The following ADAMTS17 variants were observed in gnomAD, a reference collection of about 807,000 sequenced individuals.
The protein encoded by ADAMTS17 is A disintegrin and metalloproteinase with thrombospondin motifs 17.
Under a neutral mutation model 141.5 loss-of-function variants are expected in ADAMTS17, and 113 were observed. That is an observed-to-expected ratio of 0.80 (90% confidence interval 0.69 to 0.93). The LOEUF is 0.93. Among genes scored for constraint, ADAMTS17 ranks in the 40% least tolerant of loss-of-function variants. The pLI is 0.00. For synonymous variants in ADAMTS17, 768 were observed against 630.6 expected, an observed-to-expected ratio of 1.22 and a Z score of -3.27; for missense variants, 1,659 against 1,517.9, an observed-to-expected ratio of 1.09 and a Z score of -1.54.
rs893949550 is a variant in ADAMTS17 at position 100,069,351 on chromosome 15, T to C, written c.2138-15297A>G. On this transcript the variant is annotated intron_variant, in intron 15 of 21. Transcript: ENST00000268070. ...ATTATACAGGAGAACTTCCCCAATC[T>C]AGCAAGGCAGGCCAACACTCAAATT... Among the ~76,000 whole-genome samples the C allele has an allele frequency of 2.6e-5, 4 of 152,160 alleles. 1 individual carries two copies. The South Asian group carries it at 8.3e-4, about 31-fold the overall frequency.
chr15:99,996,435 G>A (rs1006900882), intron 19 of ADAMTS17, among the ~76,000 whole-genome samples: 2 of 152,226 alleles, frequency 1.3e-5, no homozygotes, highest in East Asian at 3.9e-4. Context: ...ACTGACAAAC[G>A]TAAGCATAGA....
intron 8 of ADAMTS17, among the ~76,000 whole-genome samples, chr15:100,190,874 C>T (rs540691200): frequency 5.3e-5 from 8 of 152,310 alleles, no homozygotes; most frequent in South Asian, 4.1e-4. Context: ...CAGCGCTGGC[C>T]CTGGTTCTGT....
chr15:100,132,105 A>G lies in ADAMTS17; in HGVS notation c.1623T>C (p.His541=), dbSNP rs753669708. The G allele has an allele frequency of 4.3e-6, 7 of 1,613,928 alleles. No homozygotes were observed. Among genetic ancestry groups the G allele is most frequent in the Non-Finnish European group, 3.4e-6 (4 of 1,180,006 alleles). ...CCCACGGGCTCCAGTCTCCGTCCACATGCTCCGGGATGGGCGTCTTGCTCA... is the reference window on the plus strand; with the variant it reads ...CCCACGGGCTCCAGTCTCCGTCCACGTGCTCCGGGATGGGCGTCTTGCTCA... ...ECVSKTPIPE[H]VDGDWSPWGA... Residue 541 remains histidine (H), a synonymous_variant, in exon 12 of 22, where the codon CAT becomes CAC. Coordinates refer to ENST00000268070, the MANE Select transcript of ADAMTS17 (RefSeq NM_139057.4).
At chr15:100,279,274 A>C (rs539273902) in intron 4 of ADAMTS17, among the ~76,000 whole-genome samples, 3 of 152,118 alleles carry the variant, frequency 2.0e-5, no homozygotes, top group Non-Finnish European at 4.4e-5. Context: ...GTCAGAGCCA[A>C]CTTCCTCCCC....
intron 20 of ADAMTS17, among the ~76,000 whole-genome samples, chr15:99,988,960 T>C (rs2117804): frequency 0.11 from 16,001 of 152,108 alleles, 2,560 homozygotes; most frequent in African/African-American, 0.35. Context: ...GGTCAAGGTA[T>C]GTACAAAAGC....
chr15:100,009,616 C>T (rs1385949220), intron 18 of ADAMTS17, among the ~76,000 whole-genome samples: 5 of 152,134 alleles, frequency 3.3e-5, no homozygotes, highest in Non-Finnish European at 7.3e-5. Flanking sequence ...CCAGGCCTGA[C>T]ACTCCACAGG....
chr15:100,215,432 A>ATG (rs2041940635), intron 7 of ADAMTS17, among the ~76,000 whole-genome samples: 1 of 152,122 alleles, frequency 6.6e-6, no homozygotes, highest in Non-Finnish European at 1.5e-5. Flanking sequence ...AAGGAACCTC[A>ATG]CTGCTAGCCT....
At chr15:100,249,168 G>T (rs2043076523) in intron 7 of ADAMTS17, among the ~76,000 whole-genome samples, 2 of 152,182 alleles carry the variant, frequency 1.3e-5, no homozygotes, top group African/African-American at 4.8e-5. Context: ...GAGGAGTGTG[G>T]TGAGGCCTCT....
At chr15:100,178,331 T>C (rs1186046721) in intron 8 of ADAMTS17, among the ~76,000 whole-genome samples, 1 of 152,166 alleles carries the variant, frequency 6.6e-6, no homozygotes, top group Non-Finnish European at 1.5e-5. Context: ...GTTCTCTTAG[T>C]GGTTCTTCTA....
intron 14 of ADAMTS17, among the ~76,000 whole-genome samples, chr15:100,099,123 T>C (rs943128292): frequency 1.3e-5 from 2 of 152,164 alleles, no homozygotes; most frequent in African/African-American, 4.8e-5. Context: ...TCAGGGCAGG[T>C]GCAAACAGGA....
intron 8 of ADAMTS17, among the ~76,000 whole-genome samples, chr15:100,187,001 T>C (rs2040741336): frequency 1.3e-5 from 2 of 152,220 alleles, no homozygotes; most frequent in African/African-American, 4.8e-5. Context: ...CAATTATCAA[T>C]GTGGTCTGCC....
chr15:100,086,915 C>A (rs895530030), intron 15 of ADAMTS17, among the ~76,000 whole-genome samples: 4 of 152,128 alleles, frequency 2.6e-5, no homozygotes, highest in Non-Finnish European at 5.9e-5. Context: ...GACACCCTAA[C>A]ATCACAATTG....
At chr15:100,149,663 A>C (rs191598661) in intron 10 of ADAMTS17, among the ~76,000 whole-genome samples, 2 of 152,300 alleles carry the variant, frequency 1.3e-5, no homozygotes, top group Non-Finnish European at 2.9e-5. Context: ...TGTGTGGTCC[A>C]ATCCTAGCCA....
chr15:99,975,840 C>A (rs567632909), intron 21 of ADAMTS17, among the ~76,000 whole-genome samples: 1 of 151,214 alleles, frequency 6.6e-6, no homozygotes, highest in African/African-American at 2.4e-5. Flanking sequence ...GTGTTGGAGA[C>A]AGCAGTAAGC....
chr15:100,223,738 GTA>G (rs2042211322), intron 7 of ADAMTS17, among the ~76,000 whole-genome samples: 1 of 143,622 alleles, frequency 7.0e-6, no homozygotes, highest in Non-Finnish European at 1.5e-5. Flanking sequence ...ATATACACAT[GTA>G]TGTGTATATA....
In ADAMTS17 at chr15:100,155,368, T is replaced by A. The variant is rs2141372476; in HGVS notation, c.1182-48A>T. On this transcript the variant is annotated intron_variant, in intron 8 of 21. Transcript: ENST00000268070. ...GGATGCTTATGCTACAAGCTTCTCA[T>A]TTCCAGTTCCTGGTGCTAGCGGACC... 1.9e-6 allele frequency: 3 copies of A among 1,595,382 alleles called. No homozygotes were observed. The African/African-American group carries it at 4.0e-5, about 21-fold the overall frequency.
rs182513595 is a variant in ADAMTS17 at position 100,245,078 on chromosome 15, G to A, written c.1075+9058C>T. On this transcript the variant is annotated intron_variant, in intron 7 of 21. Transcript: ENST00000268070. Reference sequence around the variant, plus strand: ...CCAAGCTTGCCATGAGGCGTTCCTTGGCCATGAGGAACAGAAACACCGAGA... The same window carrying A: ...CCAAGCTTGCCATGAGGCGTTCCTTAGCCATGAGGAACAGAAACACCGAGA... Among the ~76,000 whole-genome samples, 7 of 152,230 alleles carry A rather than the reference G, an allele frequency of 4.6e-5. No individual in the cohort carries two copies. The East Asian group carries it at 1.4e-3, about 29-fold the overall frequency.
At chr15:100,223,670 GACAC>G (rs750147763) in intron 7 of ADAMTS17, among the ~76,000 whole-genome samples, 5 of 150,240 alleles carry the variant, frequency 3.3e-5, no homozygotes, top group Admixed American at 6.6e-5. Flanking sequence ...CACACCCACA[GACAC>G]ACACACATAT....
Position 100,321,082 on chromosome 15 carries a change from A to G in ADAMTS17, c.616+9807T>C, listed in dbSNP as rs116302829. Among the ~76,000 whole-genome samples the G allele has an allele frequency of 9.1e-3, 1,130 of 124,252 alleles. 13 individuals are homozygous for G. The highest frequency in any genetic ancestry group is 0.032 in the African/African-American group (1,054 of 33,460). The allele number at this position is 124,252 out of a possible 152,430, so 81.5% of individuals were successfully genotyped here. A position where few individuals can be genotyped will look rare whatever the true frequency, so the allele number is the denominator to read the frequency against. Reference sequence around the variant, plus strand: ...ACAAAATGTGGTTAAATTAACAGATAAAAATAACGTGTAAAATCAAGATAA... The same window carrying G: ...ACAAAATGTGGTTAAATTAACAGATGAAAATAACGTGTAAAATCAAGATAA... On this transcript the variant is annotated intron_variant, in intron 3 of 21. Transcript: ENST00000268070.
Sources: gnomAD v4.1 joint callset for allele counts (sites outside exome capture counted in the v4.1 genomes callset) on GRCh38, gnomAD v4.1.1 for gene constraint, MANE v1.5 for transcripts, NCBI Gene and HGNC (gene_info 2026-07-23, HGNC 2026-07-21) for gene names.